CTNNA3: variants seen among roughly 807,000 people sequenced by gnomAD.
The protein encoded by CTNNA3 is catenin alpha 3, also known as catenin alpha-3.
CTNNA3 carries 76 observed loss-of-function variants against 95.7 expected under a neutral mutation model. The observed-to-expected ratio is 0.79, with a 90% CI of 0.66 to 0.96. The LOEUF (loss-of-function observed/expected upper bound fraction) is 0.96, where lower values mean the gene tolerates loss of function less well. Ranked by LOEUF, CTNNA3 falls within the 40% of genes least tolerant of loss-of-function variation. The pLI is 0.00. For synonymous variants in CTNNA3, 431 were observed against 374.4 expected (o/e 1.15, Z -1.74); for missense variants, 1,191 against 1,089.8 (o/e 1.09, Z -1.31).
At chr10:66,093,887 G>A (rs1412700574) in intron 14 of CTNNA3, among the ~76,000 whole-genome samples, 6 of 151,982 alleles carry the variant, frequency 3.9e-5, no homozygotes, top group Non-Finnish European at 7.4e-5. Flanking sequence ...CCTATATGAC[G>A]TGATTCACAT....
At chr10:66,821,731 T>G (rs1241261628) in intron 7 of CTNNA3, among the ~76,000 whole-genome samples, 1 of 152,202 alleles carries the variant, frequency 6.6e-6, no homozygotes, top group Non-Finnish European at 1.5e-5. Flanking sequence ...GTTAATTGCT[T>G]CTTCTTTTCT....
At chr10:66,246,359 A>G (rs1406671089) in intron 13 of CTNNA3, among the ~76,000 whole-genome samples, 2 of 151,988 alleles carry the variant, frequency 1.3e-5, no homozygotes, top group Admixed American at 6.5e-5. Context: ...ATGGAGCTGG[A>G]GGTTGGAGTC....
At chr10:66,245,548 T>C (rs896567851) in intron 13 of CTNNA3, among the ~76,000 whole-genome samples, 7 of 152,208 alleles carry the variant, frequency 4.6e-5, no homozygotes, top group African/African-American at 1.7e-4. Flanking sequence ...GGGAATTTTA[T>C]TGAGCAATAT....
intron 9 of CTNNA3, among the ~76,000 whole-genome samples, chr10:66,688,915 A>G (rs1020446056): frequency 3.3e-5 from 5 of 150,976 alleles, no homozygotes; most frequent in Non-Finnish European, 5.9e-5. Flanking sequence ...TGGAGCTTGC[A>G]GTGAGCCAAG....
chr10:67,608,575 C>T (rs552415350), intron 2 of CTNNA3, among the ~76,000 whole-genome samples: 1 of 152,060 alleles, frequency 6.6e-6, no homozygotes, highest in Non-Finnish European at 1.5e-5. Flanking sequence ...TTGATTTAAT[C>T]ATTTTACAAT....
At position 67,175,350 on chromosome 10, in the gene CTNNA3, A is replaced by G. The variant is rs187765278; in HGVS notation, c.1047+4967T>C. 5.9e-5 allele frequency among the ~76,000 whole-genome samples: 9 copies of G among 152,256 alleles called. No homozygotes were observed. The East Asian group carries it at 1.7e-3, about 29-fold the overall frequency. On this transcript the variant is annotated intron_variant, in intron 7 of 17. Coordinates refer to ENST00000433211, the MANE Select transcript of CTNNA3 (RefSeq NM_013266.4). ...TCCAAAATGCATTTTCAGGAGTGAG[A>G]TGGAGGTCTATACAAAAGGAAAAAT...
intron 7 of CTNNA3, among the ~76,000 whole-genome samples, chr10:66,966,528 A>G (rs916311811): frequency 2.6e-5 from 4 of 151,310 alleles, no homozygotes; most frequent in African/African-American, 4.8e-5. Context: ...TCAAAGAAAT[A>G]GCTAAAAATG....
intron 5 of CTNNA3, among the ~76,000 whole-genome samples, chr10:67,338,496 C>A (rs1483105520): frequency 6.6e-6 from 1 of 152,056 alleles, no homozygotes; most frequent in Non-Finnish European, 1.5e-5. Flanking sequence ...GGACAAACAT[C>A]CACACCATAT....
chr10:67,079,750 A>G (rs994318402), intron 7 of CTNNA3, among the ~76,000 whole-genome samples: 1 of 152,006 alleles, frequency 6.6e-6, no homozygotes, highest in African/African-American at 2.4e-5. Flanking sequence ...CAGGAGGCTG[A>G]GGCAGGAGAA....
chr10:66,414,924 G>C (rs559426700), intron 11 of CTNNA3, among the ~76,000 whole-genome samples: 2 of 152,208 alleles, frequency 1.3e-5, no homozygotes, highest in South Asian at 2.1e-4. Context: ...GTACTGCCTG[G>C]GGTTTAGACA....
At position 66,012,233 on chromosome 10, in the gene CTNNA3, T is replaced by C. The variant is rs1419826195; in HGVS notation, c.2160-23436A>G. On this transcript the variant is annotated intron_variant, in intron 15 of 17. Coordinates refer to ENST00000433211, the MANE Select transcript of CTNNA3 (RefSeq NM_013266.4). The stretch of plus-strand genomic sequence containing the variant: ...GAACATGTAAACAAATAAATAGTAA[T>C]AAGGTAGTTTCAGATGCTAATAGAT... Among the ~76,000 whole-genome samples the C allele has an allele frequency of 2.6e-5, 4 of 152,056 alleles. No individual in the cohort carries two copies. In the South Asian group the frequency reaches 8.3e-4, roughly 31 times the overall value.
At chr10:66,464,011 T>C (rs527272260) in intron 11 of CTNNA3, among the ~76,000 whole-genome samples, 40 of 152,248 alleles carry the variant, frequency 2.6e-4, no homozygotes, top group Non-Finnish European at 4.6e-4. Context: ...AATTGTATTG[T>C]TGGCATTTGA....
At chr10:66,048,646 A>C (rs1441509699) in intron 15 of CTNNA3, among the ~76,000 whole-genome samples, 1 of 152,124 alleles carries the variant, frequency 6.6e-6, no homozygotes, top group Non-Finnish European at 1.5e-5. Context: ...CTGTAGTCCC[A>C]GCTACTCGGG....
chr10:66,114,017 G>A (rs55663250), intron 13 of CTNNA3, among the ~76,000 whole-genome samples: 22,854 of 152,154 alleles, frequency 0.15, 2,146 homozygotes, highest in Middle Eastern at 0.22. Flanking sequence ...AGTAGCAACA[G>A]TAGCAGCAGA....
At chr10:66,446,100 T>C (rs1242583894) in intron 11 of CTNNA3, among the ~76,000 whole-genome samples, 1 of 152,128 alleles carries the variant, frequency 6.6e-6, no homozygotes, top group African/African-American at 2.4e-5. Context: ...CCTTGACACA[T>C]ACACCCTCCC....
At chr10:66,668,826 A>G (rs577727105) in intron 9 of CTNNA3, among the ~76,000 whole-genome samples, 7 of 152,092 alleles carry the variant, frequency 4.6e-5, no homozygotes, top group African/African-American at 1.4e-4. Flanking sequence ...ATAAATAAAT[A>G]ATAAAATATC....
chr10:67,562,238 C>G (rs1289429582), intron 3 of CTNNA3, among the ~76,000 whole-genome samples: 1 of 152,134 alleles, frequency 6.6e-6, no homozygotes, highest in African/African-American at 2.4e-5. Flanking sequence ...CAAAAATCCT[C>G]AGTAAAATAC....
At chr10:66,552,049 G>A (rs538898056) in intron 10 of CTNNA3, among the ~76,000 whole-genome samples, 7 of 151,796 alleles carry the variant, frequency 4.6e-5, no homozygotes, top group Admixed American at 3.9e-4. Context: ...GATTACAGGC[G>A]TGTGCCACCA....
At chr10:66,072,255 T>C (rs1222085881) in intron 14 of CTNNA3, among the ~76,000 whole-genome samples, 2 of 152,194 alleles carry the variant, frequency 1.3e-5, no homozygotes, top group Non-Finnish European at 2.9e-5. Flanking sequence ...AGGCCATTCT[T>C]AGCTCATGTA....
Sources: gnomAD v4.1 joint callset for allele counts (sites outside exome capture counted in the v4.1 genomes callset) on GRCh38, gnomAD v4.1.1 for gene constraint, MANE v1.5 for transcripts, NCBI Gene and HGNC (gene_info 2026-07-23, HGNC 2026-07-21) for gene names.